Variants in ADGRL1 observed in about 807,000 individuals in gnomAD.
ADGRL1 encodes CIRL-1.
In ADGRL1, 31 loss-of-function variants were observed where a neutral mutation model predicts 148.9. The observed-to-expected ratio is 0.21, with a 90% CI of 0.16 to 0.28. The LOEUF (loss-of-function observed/expected upper bound fraction) is 0.28. Among genes scored for constraint, ADGRL1 ranks in the 10% least tolerant of loss-of-function variants. The pLI is 1.00. For missense variants in ADGRL1, 1,521 were observed against 2,058.8 expected, an observed-to-expected ratio of 0.74 and a Z score of 5.05; for synonymous variants, 937 against 900.3, an observed-to-expected ratio of 1.04 and a Z score of -0.73.
chr19:14,184,646 A>AT (rs368698858), intron 1 of ADGRL1, among the ~76,000 whole-genome samples: 4 of 97,732 alleles, frequency 4.1e-5, no homozygotes, highest in East Asian at 6.5e-4. Flanking sequence ...TTATTTATTT[A>AT]TTTTTTTTTC....
At position 14,159,982 on chromosome 19, in the gene ADGRL1, G is replaced by T; in HGVS notation, c.1800+130C>A. ...CCCGGCAGTCCTTGGCGGAGAGGGG[G>T]GGGTCCTTCCTCTCTGAGGAAAGGA... On this transcript the variant is annotated intron_variant, in intron 8 of 22. Transcript: ENST00000361434. This position sits in a 1 kb window ranked among gnomAD's most constrained non-coding sequence, Gnocchi z 6.0. The T allele has an allele frequency of 1.8e-6, 2 of 1,086,634 alleles. No homozygotes were observed. Among genetic ancestry groups the T allele is most frequent in the Admixed American group, 2.4e-5 (1 of 41,168 alleles). The allele number at this position is 1,086,634 out of a possible 1,614,324, so 67.3% of individuals were successfully genotyped here. A position where few individuals can be genotyped will look rare whatever the true frequency, so the allele number is the denominator to read the frequency against.
At chr19:14,190,686 T>C (rs905153629) in intron 1 of ADGRL1, among the ~76,000 whole-genome samples, 4 of 152,244 alleles carry the variant, frequency 2.6e-5, no homozygotes, top group Admixed American at 6.5e-5. Context: ...CAATTCTTTT[T>C]TAGATTCCAC....
intron 1 of ADGRL1, among the ~76,000 whole-genome samples, chr19:14,185,678 T>C (rs924978065): frequency 1.3e-5 from 2 of 152,190 alleles, no homozygotes; most frequent in Non-Finnish European, 2.9e-5. Flanking sequence ...CTGTCCCATC[T>C]CAGGCTGTCC....
rs10418890 is a variant in ADGRL1, at chr19:14,200,665, T to G, written c.-96+5320A>C. On this transcript the variant is annotated intron_variant, in intron 1 of 22. Transcript: ENST00000361434. ...TCTTGCTCTGTTGCCCAGGCTGGAA[T>G]GCAGTGGCGCGATCACAGCTCACTG... Among the ~76,000 whole-genome samples the G allele has an allele frequency of 2.3e-3, 345 of 152,340 alleles. 2 individuals carry two copies. Among genetic ancestry groups the G allele is most frequent in the African/African-American group, 7.4e-3 (308 of 41,580 alleles).
In ADGRL1 at chr19:14,170,773, C is replaced by T; in HGVS notation, c.303G>A (p.Gln101=). The change falls in exon 4 of 23, where the codon CAG becomes CAA. Residue 101 remains glutamine, a synonymous_variant. Transcript: ENST00000361434. ...IMSQRCNNRT[Q]CVVVAGSDAF... ...CATCCGAGCCGGCGACCACCACGCA[C>T]TGGGTGCGGTTGTTACACCTTCAGA... 1 of 1,595,246 alleles carries T rather than the reference C, an allele frequency of 6.3e-7. No homozygotes were observed. Among genetic ancestry groups the T allele is most frequent in the Non-Finnish European group, 8.6e-7 (1 of 1,167,500 alleles).
intron 1 of ADGRL1, among the ~76,000 whole-genome samples, chr19:14,201,587 A>G (rs1321363554): frequency 6.6e-6 from 1 of 151,254 alleles, no homozygotes; most frequent in Non-Finnish European, 1.5e-5. Flanking sequence ...CCAACTATTA[A>G]AAAAAAAATT....
rs1270515402 is a variant in ADGRL1 at position 14,162,862 on chromosome 19, G to A, written c.939C>T (p.Ala313=). The A allele has an allele frequency of 1.9e-6, 3 of 1,614,074 alleles. No homozygotes were observed. Among genetic ancestry groups the A allele is most frequent in the Non-Finnish European group, 2.5e-6 (3 of 1,180,000 alleles). ...CGTACAGGACCCCACACACCATGAA[G>A]GCGTTGGATGCCGAGCGCTTGTCGT... ...TGYDKRSASN[A]FMVCGVLYVL... Residue 313 remains alanine, a synonymous_variant, in exon 5 of 23, where the codon GCC becomes GCT. Coordinates refer to ENST00000361434, the MANE Select transcript of ADGRL1 (RefSeq NM_014921.5). This position sits in a 1 kb window ranked among gnomAD's most constrained non-coding sequence, Gnocchi z 5.4.
rs1427217614 is a variant in ADGRL1, at chr19:14,156,908, G to A, written c.2966+17C>T. On this transcript the variant is annotated intron_variant, in intron 15 of 22. Transcript: ENST00000361434. Reference sequence around the variant, plus strand: ...GAACCAGGTGGGAGGGTGCAGGGCTGGGAGGTGGAAACTCACGCCTTCTCG... The same window carrying A: ...GAACCAGGTGGGAGGGTGCAGGGCTAGGAGGTGGAAACTCACGCCTTCTCG... 1.4e-5 allele frequency: 22 copies of A among 1,606,496 alleles called. No homozygotes were observed. Among genetic ancestry groups the A allele is most frequent in the Non-Finnish European group, 1.8e-5 (21 of 1,178,706 alleles).
At chr19:14,190,719 T>C (rs190137849) in intron 1 of ADGRL1, among the ~76,000 whole-genome samples, 40 of 152,256 alleles carry the variant, frequency 2.6e-4, no homozygotes, top group Middle Eastern at 3.4e-3. Context: ...TCATGCACTA[T>C]TTGTCTTTCT....
At chr19:14,174,837 G>GT (rs34608406) in intron 3 of ADGRL1, among the ~76,000 whole-genome samples, 5,034 of 110,532 alleles carry the variant, frequency 0.046, 143 homozygotes, top group Non-Finnish European at 0.049. Context: ...CACCTGGTCT[G>GT]TTTTTTTTTT....
intron 1 of ADGRL1, among the ~76,000 whole-genome samples, chr19:14,202,544 C>T (rs750067777): frequency 6.6e-5 from 10 of 152,280 alleles, no homozygotes; most frequent in South Asian, 4.1e-4. Context: ...TGAGCCACCA[C>T]GCCCAGCTGA....
Position 14,183,654 on chromosome 19 carries a change from T to C in ADGRL1, c.-52A>G. 6.8e-7 allele frequency: 1 copy of C among 1,471,776 alleles called. No individual in the cohort carries two copies. The highest frequency in any genetic ancestry group is 9.3e-7 in the Non-Finnish European group (1 of 1,080,452). The allele number at this position is 1,471,776 out of a possible 1,614,324, so 91.2% of individuals were successfully genotyped here. A position where few individuals can be genotyped will look rare whatever the true frequency, so the allele number is the denominator to read the frequency against. On this transcript the variant is annotated 5_prime_UTR_variant, in exon 2 of 23. Transcript: ENST00000361434. Reference sequence around the variant, plus strand: ...CTCTCAGTGGCCTGTGCGGGGGGCTTTGCCCCACATCACCTGGCAGGCACC... The same window carrying C: ...CTCTCAGTGGCCTGTGCGGGGGGCTCTGCCCCACATCACCTGGCAGGCACC...
In ADGRL1 at chr19:14,151,335, CTCT is replaced by C. The variant is rs1484988008; in HGVS notation, c.3945_3947del (p.Glu1316del). The C allele has an allele frequency of 1.9e-6, 3 of 1,600,542 alleles. No individual in the cohort carries two copies. In the East Asian group the frequency reaches 6.8e-5, roughly 36 times the overall value. On this transcript the variant is annotated inframe_deletion, in exon 23 of 23. Coordinates refer to ENST00000361434, the MANE Select transcript of ADGRL1 (RefSeq NM_014921.5). ...GGTCAGCACCCCCGGGCCCGCCCGC[CTCT>C]TCCTCGCCCCCGCCCCCTGGCACAG... is the stretch of plus-strand genomic sequence containing the variant.
chr19:14,190,380 C>T (rs1971852614), intron 1 of ADGRL1, among the ~76,000 whole-genome samples: 1 of 152,232 alleles, frequency 6.6e-6, no homozygotes, highest in Non-Finnish European at 1.5e-5. Context: ...GATCCTCCCA[C>T]CTCAGCCTTC....
At chr19:14,170,927 AT>A (rs1376033235) in intron 3 of ADGRL1, 136 bp from the exon 4 acceptor site, 16 of 608,686 alleles carry the variant, frequency 2.6e-5, no homozygotes, top group Non-Finnish European at 4.2e-5. Context: ...ACCAAGTGAT[AT>A]AGTTTGGATC....
chr19:14,187,926 GT>G (rs1275811369), intron 1 of ADGRL1, among the ~76,000 whole-genome samples: 1 of 151,932 alleles, frequency 6.6e-6, no homozygotes, highest in Non-Finnish European at 1.5e-5. Flanking sequence ...AGAGGAACTG[GT>G]TAGAGGGAGT....
At chr19:14,153,354 G>A (rs372068539) in intron 18 of ADGRL1, among the ~76,000 whole-genome samples, 11 of 151,672 alleles carry the variant, frequency 7.3e-5, no homozygotes, top group African/African-American at 1.2e-4. Context: ...TAGGTGCTGC[G>A]GAGAAAACTA....
chr19:14,166,661 C>G (rs1359504512), intron 4 of ADGRL1, among the ~76,000 whole-genome samples: 1 of 151,532 alleles, frequency 6.6e-6, no homozygotes, highest in Non-Finnish European at 1.5e-5. Context: ...TCCCCACCCG[C>G]CCTGGATGCT....
At position 14,160,482 on chromosome 19, in the gene ADGRL1, G is replaced by T; in HGVS notation, c.1614+111C>A. 1.0e-6 allele frequency: 1 copy of T among 967,278 alleles called. No individual in the cohort carries two copies. Among genetic ancestry groups the T allele is most frequent in the Non-Finnish European group, 1.5e-6 (1 of 657,536 alleles). 59.9% of individuals were successfully genotyped at this position (967,278 alleles called of 1,614,324 possible). A position where few individuals can be genotyped will look rare whatever the true frequency, so the allele number is the denominator to read the frequency against. ...GCCAGGGAGGTGACCCCACAGTCCTGCCTTCCAGACCTGCCAGCCCATGTC... is the reference window on the plus strand; with the variant it reads ...GCCAGGGAGGTGACCCCACAGTCCTTCCTTCCAGACCTGCCAGCCCATGTC... On this transcript the variant is annotated intron_variant, in intron 7 of 22. Coordinates refer to ENST00000361434, the MANE Select transcript of ADGRL1 (RefSeq NM_014921.5). This position sits in a 1 kb window ranked among gnomAD's most constrained non-coding sequence, Gnocchi z 5.9.
Sources: gnomAD v4.1 joint callset for allele counts (sites outside exome capture counted in the v4.1 genomes callset) on GRCh38, gnomAD v4.1.1 for gene constraint, Gnocchi (gnomAD v3.1) non-coding constraint, MANE v1.5 for transcripts, NCBI Gene and HGNC (gene_info 2026-07-23, HGNC 2026-07-21) for gene names.